The following TRPS1 variants were observed in gnomAD, a reference collection of about 807,000 sequenced individuals.
The protein encoded by TRPS1 is transcriptional repressor GATA binding 1.
In TRPS1, 6 loss-of-function variants were observed where a neutral mutation model predicts 101.2. The observed-to-expected ratio is 0.06, with a 90% CI of 0.03 to 0.12. The LOEUF (loss-of-function observed/expected upper bound fraction) is 0.12, where lower values mean the gene tolerates loss of function less well. Among genes scored for constraint, TRPS1 ranks in the 10% least tolerant of loss-of-function variants. The pLI, the probability that TRPS1 is intolerant of heterozygous loss-of-function variation, is 1.00. For missense variants in TRPS1, 1,363 were observed against 1,567.0 expected (o/e 0.87, Z 2.20); for synonymous variants, 578 against 589.8 (o/e 0.98, Z 0.29).
chr8:115,654,365 T>C (rs993732200), intron 1 of TRPS1, among the ~76,000 whole-genome samples: 3 of 152,202 alleles, frequency 2.0e-5, no homozygotes, highest in African/African-American at 7.2e-5. Context: ...GAGGTTCTTT[T>C]ATTTTTCTTT....
At chr8:115,449,231 T>G (rs1375035647) in intron 5 of TRPS1, among the ~76,000 whole-genome samples, 1 of 152,196 alleles carries the variant, frequency 6.6e-6, no homozygotes, top group East Asian at 1.9e-4. Flanking sequence ...CTATTCTAGG[T>G]CCATTTGTAT....
chr8:115,489,394 T>G (rs1052456604), intron 5 of TRPS1, among the ~76,000 whole-genome samples: 3 of 152,206 alleles, frequency 2.0e-5, no homozygotes, highest in Non-Finnish European at 2.9e-5. Context: ...TACTCTGCTT[T>G]GCAGAAAAAA....
At chr8:115,592,985 A>G (rs906095299) in intron 4 of TRPS1, among the ~76,000 whole-genome samples, 6 of 151,750 alleles carry the variant, frequency 4.0e-5, no homozygotes, top group African/African-American at 1.5e-4. Context: ...TTCCCAAATA[A>G]ATTTTTTTTT....
intron 2 of TRPS1, among the ~76,000 whole-genome samples, chr8:115,621,208 C>T (rs73365592): frequency 0.018 from 2,796 of 152,304 alleles, 81 homozygotes; most frequent in African/African-American, 0.063. Context: ...GGTTCCGTGG[C>T]TGCTGTTTCT....
chr8:115,542,358 C>G (rs1487547236), intron 5 of TRPS1, among the ~76,000 whole-genome samples: 5 of 152,078 alleles, frequency 3.3e-5, no homozygotes. Context: ...TTCTTGCACC[C>G]AAACCTAATT....
intron 1 of TRPS1, among the ~76,000 whole-genome samples, chr8:115,633,621 T>C (rs1818699449): frequency 6.6e-6 from 1 of 152,104 alleles, no homozygotes; most frequent in African/African-American, 2.4e-5. Context: ...AAACTGGAAC[T>C]GAAAGGGGGT....
chr8:115,662,837 G>A (rs753554313), intron 1 of TRPS1, among the ~76,000 whole-genome samples: 6 of 151,758 alleles, frequency 4.0e-5, no homozygotes, highest in African/African-American at 7.3e-5. Flanking sequence ...ATGCATTTTC[G>A]TAAAGTTTCA....
chr8:115,422,926 A>C (rs1813102965), intron 5 of TRPS1, among the ~76,000 whole-genome samples: 1 of 152,218 alleles, frequency 6.6e-6, no homozygotes, highest in Admixed American at 6.5e-5. Context: ...GATAGGAATA[A>C]GTAGCTAGCC....
chr8:115,434,162 T>C (rs1813392968), intron 5 of TRPS1, among the ~76,000 whole-genome samples: 1 of 152,184 alleles, frequency 6.6e-6, no homozygotes, highest in Admixed American at 6.6e-5. Context: ...ACATAGGTGA[T>C]TACAAATGGT....
At chr8:115,650,177 A>G (rs919828697) in intron 1 of TRPS1, among the ~76,000 whole-genome samples, 2 of 152,210 alleles carry the variant, frequency 1.3e-5, no homozygotes, top group African/African-American at 4.8e-5. Flanking sequence ...CTACAGTGAA[A>G]CTGTTTCTAC....
intron 1 of TRPS1, among the ~76,000 whole-genome samples, chr8:115,652,619 T>A (rs1194987273): frequency 6.6e-6 from 1 of 152,222 alleles, no homozygotes. Context: ...AATCCATCCC[T>A]TGCTTAAAAC....
intron 4 of TRPS1, among the ~76,000 whole-genome samples, chr8:115,588,594 G>T (rs1817618067): frequency 1.3e-5 from 2 of 152,140 alleles, no homozygotes; most frequent in Non-Finnish European, 2.9e-5. Context: ...CAGAAGTATT[G>T]CACTGTAAAA....
In TRPS1 at chr8:115,414,535, G is replaced by A. The variant is rs374896129; in HGVS notation, c.3373C>T (p.Arg1125Trp). 51 of 1,613,838 alleles carry A rather than the reference G, an allele frequency of 3.2e-5. No homozygotes were observed. Among genetic ancestry groups the A allele is most frequent in the East Asian group, 4.5e-5 (2 of 44,864 alleles). The change falls in exon 7 of 7, where the codon CGG becomes TGG. Residue 1125 changes from arginine (R) to tryptophan (W), a missense_variant. This residue lies in a region of TRPS1 where 307 missense variants were observed against 392.4 expected (regional missense o/e 0.78). Transcript: ENST00000395715. This position sits in a 1 kb window ranked among gnomAD's most constrained non-coding sequence, Gnocchi z 4.8. ...GAGAGCTTATATTTACTCCAGAACC[G>A]CAGCCAATCAGCTTCACTCTGGAAG... Reference protein sequence around the residue: ...NDFQSEADWLRFWSKYKLSVP... With the variant: ...NDFQSEADWLWFWSKYKLSVP...
intron 4 of TRPS1, among the ~76,000 whole-genome samples, chr8:115,594,578 T>G (rs553291488): frequency 1.3e-5 from 2 of 151,602 alleles, no homozygotes; most frequent in East Asian, 3.9e-4. Context: ...AAAGATCAAA[T>G]TTGTATTTAA....
chr8:115,479,206 A>T (rs1327157553), intron 5 of TRPS1, among the ~76,000 whole-genome samples: 1 of 152,140 alleles, frequency 6.6e-6, no homozygotes, highest in African/African-American at 2.4e-5. Flanking sequence ...AGTTAAACAA[A>T]TATTAATTGA....
chr8:115,608,678 G>A (rs2130504196), intron 3 of TRPS1, among the ~76,000 whole-genome samples: 1 of 151,572 alleles, frequency 6.6e-6, no homozygotes, highest in South Asian at 2.1e-4. Flanking sequence ...CTGTCCAATA[G>A]TACTTCCTGA....
At chr8:115,614,592 G>T (rs888910506) in intron 3 of TRPS1, among the ~76,000 whole-genome samples, 4 of 152,134 alleles carry the variant, frequency 2.6e-5, no homozygotes, top group Admixed American at 2.0e-4. Context: ...TTTATTACTT[G>T]TTAAGGAGAC....
chr8:115,631,762 A>C (rs943049804), intron 1 of TRPS1, among the ~76,000 whole-genome samples: 1 of 152,042 alleles, frequency 6.6e-6, no homozygotes, highest in Non-Finnish European at 1.5e-5. Flanking sequence ...AGGCTCAGGA[A>C]ACTAACAGCT....
Position 115,518,808 on chromosome 8 carries a change from A to C in TRPS1, c.2700+68193T>G, listed in dbSNP as rs550491182. ...TCTGCATTGCCTTTTGCCAGCGTCAAACTAAACCATCAGAAATTTAAACTT... is the reference window on the plus strand; with the variant it reads ...TCTGCATTGCCTTTTGCCAGCGTCACACTAAACCATCAGAAATTTAAACTT... On this transcript the variant is annotated intron_variant, in intron 5 of 6. Transcript: ENST00000395715. 5.3e-5 allele frequency among the ~76,000 whole-genome samples: 8 copies of C among 151,976 alleles called. No individual in the cohort carries two copies. The East Asian group carries it at 1.5e-3, about 29-fold the overall frequency.
Sources: allele counts gnomAD v4.1 joint callset (sites outside exome capture counted in the v4.1 genomes callset), GRCh38; gene constraint gnomAD v4.1.1; regional missense constraint gnomAD v4.1.1; non-coding constraint Gnocchi (gnomAD v3.1); transcripts MANE v1.5; gene names NCBI Gene and HGNC (gene_info 2026-07-23, HGNC 2026-07-21).